TBCD: variants seen among roughly 807,000 people sequenced by gnomAD.
TBCD encodes tubulin-specific chaperone D.
A neutral mutation model predicts 169.3 loss-of-function variants in TBCD; 105 were observed. The ratio of observed to expected loss-of-function variants is 0.62; its 90% CI spans 0.53 to 0.73. The LOEUF is 0.73. Ranked by LOEUF, TBCD falls within the 30% of genes least tolerant of loss-of-function variation. The probability of loss-of-function intolerance (pLI) is 0.00; values close to 1 mark genes in which losing one functional copy is unlikely to be tolerated. For synonymous variants in TBCD, 700 were observed against 643.9 expected, an observed-to-expected ratio of 1.09 and a Z score of -1.32; for missense variants, 1,444 against 1,600.1, an observed-to-expected ratio of 0.90 and a Z score of 1.66.
intron 13 of TBCD, among the ~76,000 whole-genome samples, chr17:82,825,983 C>G (rs116592198): frequency 3.3e-5 from 5 of 152,222 alleles, no homozygotes; most frequent in African/African-American, 1.2e-4. Context: ...ATTTCATAGG[C>G]AAGTTTTTCT....
At chr17:82,908,823 A>G (rs2060422477) in intron 21 of TBCD, among the ~76,000 whole-genome samples, 1 of 152,246 alleles carries the variant, frequency 6.6e-6, no homozygotes, top group Non-Finnish European at 1.5e-5. Context: ...ATTAAAGAAT[A>G]CATTTTAAAG....
intron 13 of TBCD, among the ~76,000 whole-genome samples, chr17:82,865,867 C>T (rs2057134837): frequency 1.3e-5 from 2 of 152,246 alleles, no homozygotes; most frequent in South Asian, 4.1e-4. Context: ...GCTGCTTTTT[C>T]CTCAGGCAAT....
At chr17:82,921,759 A>G (rs1025125033) in intron 25 of TBCD, among the ~76,000 whole-genome samples, 182 bp downstream of exon 25, 2 of 152,294 alleles carry the variant, frequency 1.3e-5, no homozygotes, top group East Asian at 1.9e-4. Context: ...GTTTATAACC[A>G]GAAAATCCAA....
intron 5 of TBCD, among the ~76,000 whole-genome samples, chr17:82,770,861 A>G (rs748846448): frequency 4.6e-5 from 7 of 152,038 alleles, no homozygotes; most frequent in Non-Finnish European, 5.9e-5. Context: ...TAAAAATACA[A>G]AAATTAGCCG....
At chr17:82,779,286 G>T (rs2048796434) in intron 6 of TBCD, among the ~76,000 whole-genome samples, 1 of 152,146 alleles carries the variant, frequency 6.6e-6, no homozygotes, top group Non-Finnish European at 1.5e-5. Flanking sequence ...TTACGGGCTT[G>T]AGCCACTGCG....
intron 13 of TBCD, among the ~76,000 whole-genome samples, chr17:82,819,889 G>A (rs1180843288): frequency 6.6e-6 from 1 of 152,124 alleles, no homozygotes; most frequent in Non-Finnish European, 1.5e-5. Flanking sequence ...CCATGAGTAA[G>A]CTCCTACAAT....
intron 5 of TBCD, among the ~76,000 whole-genome samples, chr17:82,772,073 T>TC (rs1226047872): frequency 2.0e-5 from 3 of 152,256 alleles, no homozygotes; most frequent in Non-Finnish European, 4.4e-5. Context: ...GTCTGAATAC[T>TC]CCAATACTGA....
chr17:82,794,191 C>T (rs571735855), intron 7 of TBCD, among the ~76,000 whole-genome samples: 2 of 152,006 alleles, frequency 1.3e-5, no homozygotes, highest in Non-Finnish European at 2.9e-5. Context: ...TGCTTGGCAG[C>T]GGGTGAGCTT....
intron 22 of TBCD, among the ~76,000 whole-genome samples, chr17:82,911,470 CT>C (rs2060638098): frequency 6.6e-6 from 1 of 152,178 alleles, no homozygotes; most frequent in Non-Finnish European, 1.5e-5. Context: ...AAAGTAAGAG[CT>C]GAGCGCTGCT....
intron 23 of TBCD, chr17:82,918,249 T>C (rs949976678): frequency 2.0e-5 from 3 of 152,152 alleles, no homozygotes; most frequent in Non-Finnish European, 2.9e-5. Flanking sequence ...TTCGTGCAGA[T>C]TGATGCCCTG....
chr17:82,850,640 CTGT>C (rs1428088817), intron 13 of TBCD, among the ~76,000 whole-genome samples: 1 of 151,904 alleles, frequency 6.6e-6, no homozygotes, highest in African/African-American at 2.4e-5. Flanking sequence ...GTTGGCTGTG[CTGT>C]TGTTGGCTGT....
intron 30 of TBCD, 74 bp from the exon 31 acceptor site, chr17:82,929,039 C>T (rs1003659824): frequency 1.2e-5 from 19 of 1,535,602 alleles, no homozygotes; most frequent in Middle Eastern, 3.7e-4. Context: ...CGGCTCGGAC[C>T]GCCTGTGCTC....
intron 7 of TBCD, among the ~76,000 whole-genome samples, chr17:82,786,227 A>G (rs1720438908): frequency 6.6e-6 from 1 of 151,996 alleles, no homozygotes. Context: ...GCCCTCTAGG[A>G]TTCCCTCATC....
chr17:82,778,903 C>T (rs989486749), intron 6 of TBCD, among the ~76,000 whole-genome samples: 3 of 152,298 alleles, frequency 2.0e-5, no homozygotes. Flanking sequence ...CTCAGGTGAT[C>T]CACCCGTCTT....
intron 13 of TBCD, chr17:82,840,423 C>T (rs1169710212): frequency 6.6e-6 from 1 of 152,264 alleles, no homozygotes; most frequent in African/African-American, 2.4e-5. Flanking sequence ...GATTCTCAAG[C>T]GCGCATACCC....
intron 7 of TBCD, among the ~76,000 whole-genome samples, chr17:82,794,341 G>T (rs113889913): frequency 2.6e-5 from 4 of 152,310 alleles, no homozygotes; most frequent in African/African-American, 9.6e-5. Context: ...GATGATTGCT[G>T]AGAAACTCCT....
At chr17:82,847,589 C>T (rs1272668955) in intron 13 of TBCD, among the ~76,000 whole-genome samples, 1 of 152,124 alleles carries the variant, frequency 6.6e-6, no homozygotes, top group African/African-American at 2.4e-5. Context: ...TGAGATTTGT[C>T]ATGCCAATAC....
intron 19 of TBCD, among the ~76,000 whole-genome samples, chr17:82,904,712 C>G (rs1346703780): frequency 6.6e-6 from 1 of 152,166 alleles, no homozygotes; most frequent in Non-Finnish European, 1.5e-5. Flanking sequence ...AGTGGAGTTA[C>G]TGATGTGACG....
At chr17:82,863,932 C>T (rs2056973688) in intron 13 of TBCD, among the ~76,000 whole-genome samples, 1 of 152,220 alleles carries the variant, frequency 6.6e-6, no homozygotes, top group Non-Finnish European at 1.5e-5. Context: ...TTTCAAATGC[C>T]TCACAGCGGC....
Sources: allele counts gnomAD v4.1 joint callset (sites outside exome capture counted in the v4.1 genomes callset), GRCh38; gene constraint gnomAD v4.1.1; transcripts MANE v1.5; gene names NCBI Gene and HGNC (gene_info 2026-07-23, HGNC 2026-07-21).